Variants in ZNF682 observed in about 807,000 individuals in gnomAD.
ZNF682 encodes zinc finger protein 682.
In ZNF682, 29 loss-of-function variants were observed where a neutral mutation model predicts 36.5. The ratio of observed to expected loss-of-function variants is 0.80; its 90% CI spans 0.59 to 1.08. The LOEUF (loss-of-function observed/expected upper bound fraction) is 1.08. Ranked by LOEUF, ZNF682 falls within the 50% of genes least tolerant of loss-of-function variation. ZNF682 has a pLI of 0.00. For synonymous variants in ZNF682, 180 were observed against 197.0 expected, an observed-to-expected ratio of 0.91 and a Z score of 0.72; for missense variants, 561 against 579.7, an observed-to-expected ratio of 0.97 and a Z score of 0.33.
At chr19:20,028,374 G>C (rs35477631) in intron 1 of ZNF682, among the ~76,000 whole-genome samples, 8,335 of 152,030 alleles carry the variant, frequency 0.055, 615 homozygotes, top group African/African-American at 0.17. Context: ...TGCCCGGGTG[G>C]CTAATTTTTG....
chr19:20,010,565 A>C (rs1162512460), intron 3 of ZNF682, among the ~76,000 whole-genome samples: 2 of 152,192 alleles, frequency 1.3e-5, no homozygotes, highest in African/African-American at 4.8e-5. Context: ...AGGCTGAGGC[A>C]GGAGAATCAC....
At chr19:20,008,747 G>A (rs186019077) in intron 3 of ZNF682, among the ~76,000 whole-genome samples, 1 of 152,206 alleles carries the variant, frequency 6.6e-6, no homozygotes, top group Non-Finnish European at 1.5e-5. Context: ...TATCACCAAG[G>A]CCCCAAAATA....
intron 3 of ZNF682, among the ~76,000 whole-genome samples, chr19:20,019,569 G>A (rs1431346419): frequency 6.6e-6 from 1 of 152,034 alleles, no homozygotes; most frequent in Admixed American, 6.6e-5. Context: ...CCATACGCCT[G>A]ATAAGAAGTT....
At chr19:20,014,614 C>CA (rs55756913) in intron 3 of ZNF682, among the ~76,000 whole-genome samples, 40,362 of 140,028 alleles carry the variant, frequency 0.29, 7,550 homozygotes, top group African/African-American at 0.54. Context: ...TACTAGAATA[C>CA]AAAAAAAAAA....
At chr19:20,012,650 C>T (rs1030366476) in intron 3 of ZNF682, among the ~76,000 whole-genome samples, 1 of 151,656 alleles carries the variant, frequency 6.6e-6, no homozygotes, top group Non-Finnish European at 1.5e-5. Flanking sequence ...CGCCTGTAGT[C>T]TCAGCTGCTC....
rs2286923 is a variant in ZNF682 at position 20,039,438 on chromosome 19, A to C, written c.-93T>G. On this transcript the variant is annotated 5_prime_UTR_variant, in exon 1 of 4. Coordinates refer to ENST00000397165, the MANE Select transcript of ZNF682 (RefSeq NM_033196.3). ...ACAGAGGCTGCGACAGTCACCGGGA[A>C]CTACTAGAGCAGAGGATACTAAGCA... 0.78 allele frequency: 1,213,753 copies of C among 1,554,116 alleles called. 475,971 individuals carry two copies. Among genetic ancestry groups the C allele is most frequent in the South Asian group, 0.86 (76,320 of 89,044 alleles).
intron 3 of ZNF682, among the ~76,000 whole-genome samples, chr19:20,021,283 T>C (rs150362166): frequency 3.9e-5 from 6 of 152,280 alleles, no homozygotes; most frequent in South Asian, 2.1e-4. Flanking sequence ...AAGAAAACTC[T>C]GCATGGTGGC....
chr19:20,020,473 G>A (rs945258105), intron 3 of ZNF682, among the ~76,000 whole-genome samples: 2 of 151,970 alleles, frequency 1.3e-5, no homozygotes, highest in African/African-American at 4.8e-5. Flanking sequence ...CTCCAGCCTG[G>A]GTGACAGGGT....
At position 20,006,754 on chromosome 19, in the gene ZNF682, T is replaced by C; in HGVS notation, c.748A>G (p.Ile250Val). 1.9e-6 allele frequency: 3 copies of C among 1,614,016 alleles called. No homozygotes were observed. Among genetic ancestry groups the C allele is most frequent in the Non-Finnish European group, 2.5e-6 (3 of 1,179,996 alleles). ...WCSSLTKHKR[I>V]HTGEKPYKCE... ...TTGTAGGGTTTCTCACCAGTATGGA[T>C]TCTCTTATGTTTAGTAAGACTCGAG... The change falls in exon 4 of 4, where the codon ATC becomes GTC. Residue 250 changes from isoleucine to valine, a missense_variant. Coordinates refer to ENST00000397165, the MANE Select transcript of ZNF682 (RefSeq NM_033196.3).
At chr19:20,034,312 A>ATTGGAAGC (rs2088507368) in intron 1 of ZNF682, 1 of 152,182 alleles carries the variant, frequency 6.6e-6, no homozygotes, top group Non-Finnish European at 1.5e-5. Flanking sequence ...AAGCCATCTA[A>ATTGGAAGC]CAACATCCAC....
At chr19:20,028,979 A>AT (rs10651551) in intron 1 of ZNF682, among the ~76,000 whole-genome samples, 41,383 of 138,648 alleles carry the variant, frequency 0.3, 8,562 homozygotes, top group African/African-American at 0.58. Context: ...TCTATCACTG[A>AT]TTTTTTTTTT....
At chr19:19,995,591 A>G (rs369433279), downstream of ZNF682, among the ~76,000 whole-genome samples, 20 of 152,300 alleles carry the variant, frequency 1.3e-4, no homozygotes, top group East Asian at 3.3e-3. Context: ...AGGGGCTCAC[A>G]CAACCTGTTC....
chr19:20,035,987 C>G (rs544647691), intron 1 of ZNF682, among the ~76,000 whole-genome samples: 2 of 152,322 alleles, frequency 1.3e-5, no homozygotes, highest in East Asian at 3.9e-4. Context: ...CCTCCCACCT[C>G]AGCCTCCCAA....
chr19:20,033,025 G>C (rs938153861), intron 1 of ZNF682, among the ~76,000 whole-genome samples: 1 of 152,136 alleles, frequency 6.6e-6, no homozygotes, highest in Non-Finnish European at 1.5e-5. Context: ...CAGCACTTTG[G>C]GAGGCCGAGG....
exon 4 of ZNF682, chr19:19,997,104 T>A: frequency 2.5e-6 from 1 of 394,406 alleles, no homozygotes; most frequent in East Asian, 3.6e-5. Flanking sequence ...GCAGCTCTGC[T>A]ATAAGCCAGT....
intron 1 of ZNF682, 62 bp downstream of exon 1, chr19:20,039,281 G>A (rs2088562758): frequency 6.2e-7 from 1 of 1,603,158 alleles, no homozygotes; most frequent in Non-Finnish European, 8.5e-7. Context: ...CGTCACTGCC[G>A]GTTCCGGCCG....
chr19:19,996,599 T>G (rs1292713586), downstream of ZNF682, among the ~76,000 whole-genome samples: 1 of 152,176 alleles, frequency 6.6e-6, no homozygotes, highest in Non-Finnish European at 1.5e-5. Context: ...CCAAACATCA[T>G]GTATTCTCAT....
chr19:20,015,989 GA>G (rs1234395380), intron 3 of ZNF682: 1 of 378,290 alleles, frequency 2.6e-6, no homozygotes, highest in Non-Finnish European at 4.7e-6. Context: ...AAAATGCAAA[GA>G]AAGCTTTTTA....
At chr19:20,018,078 C>CTTTTTTTTTTTTTT (rs71172554) in intron 3 of ZNF682, among the ~76,000 whole-genome samples, 2 of 58,678 alleles carry the variant, frequency 3.4e-5, no homozygotes, top group Non-Finnish European at 5.7e-5. Flanking sequence ...TTCTCAAATT[C>CTTTTTTTTTTTTTT]TTTTTTTTTT....
Sources: allele counts gnomAD v4.1 joint callset (sites outside exome capture counted in the v4.1 genomes callset), GRCh38; gene constraint gnomAD v4.1.1; transcripts MANE v1.5; gene names NCBI Gene and HGNC (gene_info 2026-07-23, HGNC 2026-07-21).